Variants in CATSPERT observed in about 807,000 individuals in gnomAD.
CATSPERT encodes cation channel sperm-associated targeting subunit tau.
the CATSPERT span, among the ~76,000 whole-genome samples, chr2:201,608,984 T>C: frequency 2.6e-5 from 4 of 151,224 alleles, no homozygotes; most frequent in South Asian, 4.2e-4. Context: ...AGTAAAGGGA[T>C]AGAAAAAAAT....
At chr2:201,499,490 C>T in the CATSPERT span, among the ~76,000 whole-genome samples, 4 of 152,118 alleles carry the variant, frequency 2.6e-5, no homozygotes, top group East Asian at 7.7e-4. Context: ...CTCTCCTTCT[C>T]CTTTCCATAA....
At chr2:201,540,012 G>A in the CATSPERT span, among the ~76,000 whole-genome samples, 93,280 of 151,542 alleles carry the variant, frequency 0.62, 30,320 homozygotes, top group East Asian at 0.95. Context: ...CAGATATGGA[G>A]AAAATTTTAA....
At chr2:201,528,787 G>A in the CATSPERT span, among the ~76,000 whole-genome samples, 3 of 151,948 alleles carry the variant, frequency 2.0e-5, no homozygotes, top group African/African-American at 2.4e-5. Context: ...GGTGAGTATC[G>A]AAAAACTACC....
chr2:201,493,177 G>A, the CATSPERT span: 1 of 1,528,822 alleles, frequency 6.5e-7, no homozygotes, highest in Non-Finnish European at 8.8e-7. Flanking sequence ...ATCCATTAAT[G>A]AGTTAGTTAA....
At chr2:201,558,450 G>A in the CATSPERT span, among the ~76,000 whole-genome samples, 6 of 152,236 alleles carry the variant, frequency 3.9e-5, no homozygotes, top group Non-Finnish European at 7.3e-5. Flanking sequence ...ACACACCTGC[G>A]GTGACTGGAA....
chr2:201,519,201 GC>G, the CATSPERT span, among the ~76,000 whole-genome samples: 13 of 152,082 alleles, frequency 8.5e-5, no homozygotes, highest in African/African-American at 3.1e-4. Context: ...CACCAGCAAA[GC>G]CGCACCACCA....
chr2:201,539,027 T>C, the CATSPERT span, among the ~76,000 whole-genome samples: 1 of 152,222 alleles, frequency 6.6e-6, no homozygotes, highest in Non-Finnish European at 1.5e-5. Context: ...TAGTATTCTA[T>C]GGTGTATATG....
chr2:201,582,408 T>G, the CATSPERT span, among the ~76,000 whole-genome samples: 1 of 151,990 alleles, frequency 6.6e-6, no homozygotes, highest in Admixed American at 6.6e-5. Context: ...GCTTTATAAC[T>G]TTCAACCTCA....
the CATSPERT span, among the ~76,000 whole-genome samples, chr2:201,593,157 G>A: frequency 6.6e-6 from 1 of 151,852 alleles, no homozygotes; most frequent in African/African-American, 2.4e-5. Context: ...CTTTGAATGT[G>A]TCCCAGAGAT....
At chr2:201,572,327 G>A in the CATSPERT span, among the ~76,000 whole-genome samples, 1 of 152,116 alleles carries the variant, frequency 6.6e-6, no homozygotes, top group African/African-American at 2.4e-5. Context: ...TTTGTTCAAG[G>A]CTACACAGTA....
At chr2:201,497,861 C>T in the CATSPERT span, among the ~76,000 whole-genome samples, 24 of 152,198 alleles carry the variant, frequency 1.6e-4, no homozygotes, top group African/African-American at 5.8e-4. Flanking sequence ...AGTACATTAA[C>T]AGAAAATATT....
At chr2:201,539,511 GTTTTTT>G in the CATSPERT span, among the ~76,000 whole-genome samples, 4 of 89,744 alleles carry the variant, frequency 4.5e-5, no homozygotes, top group Admixed American at 2.7e-4. Flanking sequence ...TTTTAACGAG[GTTTTTT>G]TTTTTTTTTT....
chr2:201,561,044 A>G, the CATSPERT span, among the ~76,000 whole-genome samples: 1 of 152,028 alleles, frequency 6.6e-6, no homozygotes, highest in African/African-American at 2.4e-5. Context: ...GCCTCCCAAA[A>G]TGCTGGAATT....
the CATSPERT span, chr2:201,554,432 T>C: frequency 1.3e-5 from 2 of 152,178 alleles, no homozygotes; most frequent in African/African-American, 4.8e-5. Flanking sequence ...AGTGACACGA[T>C]ATTCTAAAAA....
At chr2:201,546,545 T>C in the CATSPERT span, among the ~76,000 whole-genome samples, 1 of 152,168 alleles carries the variant, frequency 6.6e-6, no homozygotes, top group Non-Finnish European at 1.5e-5. Context: ...GTTCACATCA[T>C]TAGTCATTAG....
chr2:201,578,406 G>A, the CATSPERT span, among the ~76,000 whole-genome samples: 391 of 152,030 alleles, frequency 2.6e-3, 2 homozygotes, highest in African/African-American at 8.6e-3. Context: ...ATTATAAACC[G>A]CACAGATCAT....
the CATSPERT span, among the ~76,000 whole-genome samples, chr2:201,521,423 G>A: frequency 9.2e-6 from 1 of 108,556 alleles, no homozygotes; most frequent in African/African-American, 2.9e-5. Context: ...GCAGGAGAGA[G>A]AGACAGACAG....
the CATSPERT span, chr2:201,601,851 C>G: frequency 6.2e-7 from 1 of 1,603,820 alleles, no homozygotes; most frequent in South Asian, 1.1e-5. Context: ...TATAGAGATG[C>G]GAATGAATAA....
chr2:201,492,266 T>C, the CATSPERT span: 24 of 1,531,830 alleles, frequency 1.6e-5, no homozygotes, highest in African/African-American at 1.4e-5. Flanking sequence ...TTTAATGGTA[T>C]AGAACTAGAA....
Sources: gnomAD v4.1 joint callset for allele counts (sites outside exome capture counted in the v4.1 genomes callset) on GRCh38, gnomAD v4.1.1 for gene constraint, MANE v1.5 for transcripts, NCBI Gene and HGNC (gene_info 2026-07-23, HGNC 2026-07-21) for gene names.